The following CLEC16A variants were observed in gnomAD, a reference collection of about 807,000 sequenced individuals.
CLEC16A encodes protein CLEC16A.
Under a neutral mutation model 109.5 loss-of-function variants are expected in CLEC16A, and 51 were observed. The observed-to-expected ratio is 0.47, with a 90% CI of 0.37 to 0.59. The LOEUF is 0.59. Ranked by LOEUF, CLEC16A falls within the 20% of genes least tolerant of loss-of-function variation. CLEC16A has a pLI of 0.00. For missense variants in CLEC16A, 1,339 were observed against 1,394.0 expected, an observed-to-expected ratio of 0.96 and a Z score of 0.63; for synonymous variants, 673 against 564.2, an observed-to-expected ratio of 1.19 and a Z score of -2.73.
intron 10 of CLEC16A, among the ~76,000 whole-genome samples, chr16:11,000,824 CTG>C (rs1306591281): frequency 1.3e-5 from 2 of 152,186 alleles, no homozygotes; most frequent in Non-Finnish European, 2.9e-5. Context: ...TGAAATTAAT[CTG>C]TGTTCCTTGA....
chr16:11,009,417 T>G (rs2045261325), intron 11 of CLEC16A, among the ~76,000 whole-genome samples: 1 of 152,238 alleles, frequency 6.6e-6, no homozygotes, highest in African/African-American at 2.4e-5. Flanking sequence ...TACAAATCCA[T>G]TCCTGCCTTT....
intron 23 of CLEC16A, among the ~76,000 whole-genome samples, chr16:11,167,506 A>G (rs2068319204): frequency 6.6e-6 from 1 of 152,110 alleles, no homozygotes; most frequent in Non-Finnish European, 1.5e-5. Flanking sequence ...AGGGAGGTCG[A>G]GGGCCCTTGG....
chr16:11,027,376 G>C, intron 13 of CLEC16A: 1 of 1,395,340 alleles, frequency 7.2e-7, no homozygotes, highest in Non-Finnish European at 1.0e-6. Context: ...ATTTTTAGTG[G>C]TGTCTTTGTA....
chr16:11,151,514 C>G (rs543803691), intron 22 of CLEC16A, among the ~76,000 whole-genome samples: 31 of 152,362 alleles, frequency 2.0e-4, no homozygotes, highest in Middle Eastern at 3.4e-3. Flanking sequence ...TTTTATTTCT[C>G]ATTCCTGCCA....
At chr16:11,138,486 A>G (rs1015293215) in intron 22 of CLEC16A, among the ~76,000 whole-genome samples, 46 of 152,186 alleles carry the variant, frequency 3.0e-4, no homozygotes, top group African/African-American at 1.1e-3. Flanking sequence ...TTGGGTTTTA[A>G]CTGACTGGAG....
chr16:11,007,664 A>C (rs2045111105), intron 11 of CLEC16A, among the ~76,000 whole-genome samples: 1 of 152,214 alleles, frequency 6.6e-6, no homozygotes, highest in African/African-American at 2.4e-5. Flanking sequence ...GAGGCGCTCG[A>C]ACAGCAATTT....
At chr16:10,977,040 T>G (rs1423197208) in intron 7 of CLEC16A, among the ~76,000 whole-genome samples, 185 bp from the exon 8 acceptor site, 2 of 152,194 alleles carry the variant, frequency 1.3e-5, no homozygotes, top group Non-Finnish European at 2.9e-5. Context: ...CCCCTGAAAT[T>G]GATTTTAGTA....
At chr16:11,139,709 T>C (rs2053734682) in intron 22 of CLEC16A, among the ~76,000 whole-genome samples, 1 of 152,192 alleles carries the variant, frequency 6.6e-6, no homozygotes, top group Admixed American at 6.5e-5. Flanking sequence ...ATTCACAGCG[T>C]GATTTGGGGA....
At chr16:10,977,894 G>A (rs1263609181) in intron 8 of CLEC16A, among the ~76,000 whole-genome samples, 2 of 151,940 alleles carry the variant, frequency 1.3e-5, no homozygotes, top group African/African-American at 4.8e-5. Flanking sequence ...GAGACAGAGT[G>A]TGTGTGTGTG....
chr16:11,021,972 G>A (rs1432649584), intron 12 of CLEC16A, among the ~76,000 whole-genome samples: 2 of 152,210 alleles, frequency 1.3e-5, no homozygotes, highest in Non-Finnish European at 2.9e-5. Flanking sequence ...TAAAAAAACA[G>A]ACCAAAATGT....
intron 22 of CLEC16A, among the ~76,000 whole-genome samples, chr16:11,140,133 G>A (rs2053755384): frequency 6.6e-6 from 1 of 152,174 alleles, no homozygotes; most frequent in Admixed American, 6.5e-5. Context: ...CTGCTAAGTT[G>A]ATTTGAAGGC....
At chr16:11,151,607 G>T (rs41357) in intron 22 of CLEC16A, among the ~76,000 whole-genome samples, 1 of 152,160 alleles carries the variant, frequency 6.6e-6, no homozygotes, top group Non-Finnish European at 1.5e-5. Flanking sequence ...TCTTGCATCT[G>T]TATAGATGAA....
chr16:10,987,778 G>A (rs558917788), intron 10 of CLEC16A, among the ~76,000 whole-genome samples: 5 of 152,216 alleles, frequency 3.3e-5, no homozygotes, highest in Admixed American at 1.3e-4. Flanking sequence ...TGCCCAACTC[G>A]GATGTGGTTT....
intron 19 of CLEC16A, among the ~76,000 whole-genome samples, chr16:11,078,131 G>T (rs1400664558): frequency 1.3e-5 from 2 of 152,072 alleles, no homozygotes; most frequent in Non-Finnish European, 2.9e-5. Flanking sequence ...CGCTCTAGGG[G>T]CATCTGATTT....
rs536416639 is a variant in CLEC16A, at chr16:11,051,658, C to T, written c.1995+17C>T. 5 of 1,610,148 alleles carry T rather than the reference C, an allele frequency of 3.1e-6. No homozygotes were observed. The African/African-American group carries it at 6.7e-5, about 21-fold the overall frequency. On this transcript the variant is annotated intron_variant, in intron 18 of 23. Transcript: ENST00000409790. Reference sequence around the variant, plus strand: ...ACCCGGCGGGTGAGTGAGCACAGGACCTGTCATCTCCTGGGCCACTGTTCT... The same window carrying T: ...ACCCGGCGGGTGAGTGAGCACAGGATCTGTCATCTCCTGGGCCACTGTTCT...
rs72770088 is a variant in CLEC16A at position 11,009,023 on chromosome 16, C to T, written c.1303+5718C>T. Reference sequence around the variant, plus strand: ...CAAAAAAAATAAAAAAGTACATTCACGTTGTATAACCATCACCACCATCTG... The same window carrying T: ...CAAAAAAAATAAAAAAGTACATTCATGTTGTATAACCATCACCACCATCTG... On this transcript the variant is annotated intron_variant, in intron 11 of 23. Coordinates refer to ENST00000409790, the MANE Select transcript of CLEC16A (RefSeq NM_015226.3). 1.1e-4 allele frequency among the ~76,000 whole-genome samples: 17 copies of T among 152,082 alleles called. No individual in the cohort carries two copies. The East Asian group carries it at 2.3e-3, about 21-fold the overall frequency.
At chr16:10,969,709 G>GA (rs1429990354) in intron 4 of CLEC16A, among the ~76,000 whole-genome samples, 3 of 152,166 alleles carry the variant, frequency 2.0e-5, no homozygotes, top group Non-Finnish European at 4.4e-5. Flanking sequence ...TTGGTAGAGA[G>GA]GAGACATGCC....
chr16:11,050,524 G>A (rs919828421), intron 17 of CLEC16A, among the ~76,000 whole-genome samples: 6 of 152,242 alleles, frequency 3.9e-5, no homozygotes, highest in Admixed American at 6.5e-5. Context: ...CTTACCCTTC[G>A]TCTGTGAAGC....
intron 15 of CLEC16A, among the ~76,000 whole-genome samples, chr16:11,043,093 CACAT>C (rs1335091277): frequency 2.0e-5 from 3 of 151,950 alleles, no homozygotes; most frequent in Non-Finnish European, 2.9e-5. Context: ...CACACACACA[CACAT>C]GCTTACAAAT....
Sources: allele counts gnomAD v4.1 joint callset (sites outside exome capture counted in the v4.1 genomes callset), GRCh38; gene constraint gnomAD v4.1.1; transcripts MANE v1.5; gene names NCBI Gene and HGNC (gene_info 2026-07-23, HGNC 2026-07-21).